The following PTPN14 variants were observed in gnomAD, a reference collection of about 807,000 sequenced individuals.
PTPN14 encodes tyrosine-protein phosphatase non-receptor type 14.
Under a neutral mutation model 126.8 loss-of-function variants are expected in PTPN14, and 53 were observed. The observed-to-expected ratio is 0.42, with a 90% CI of 0.34 to 0.53. PTPN14 has a LOEUF of 0.53. Ranked by LOEUF, PTPN14 falls within the 20% of genes least tolerant of loss-of-function variation. PTPN14 has a pLI of 0.08. For synonymous variants in PTPN14, 630 were observed against 599.3 expected (o/e 1.05, Z -0.75); for missense variants, 1,257 against 1,552.9 (o/e 0.81, Z 3.20).
intron 3 of PTPN14, among the ~76,000 whole-genome samples, chr1:214,428,505 T>C (rs965044266): frequency 7.2e-5 from 11 of 152,254 alleles, no homozygotes; most frequent in Non-Finnish European, 1.6e-4. Flanking sequence ...TTTGATATAG[T>C]AATGGATTCT....
At position 214,356,608 on chromosome 1, in the gene PTPN14, G is replaced by A. The variant is rs945130047; in HGVS notation, c.*1314C>T. 3 of 152,224 alleles carry A rather than the reference G, an allele frequency of 2.0e-5. No homozygotes were observed. Among genetic ancestry groups the A allele is most frequent in the African/African-American group, 7.2e-5 (3 of 41,448 alleles). The allele number at this position is 152,224 out of a possible 1,614,324, so 9.4% of individuals were successfully genotyped here. A position where few individuals can be genotyped will look rare whatever the true frequency, so the allele number is the denominator to read the frequency against. On this transcript the variant is annotated 3_prime_UTR_variant, in exon 19 of 19. Transcript: ENST00000366956. ...ACTGGGCTTCAAAGTGAAGATAACT[G>A]ACCAGCGAGTGGATTTTATGAAGAA...
intron 3 of PTPN14, among the ~76,000 whole-genome samples, chr1:214,443,104 T>C (rs894105411): frequency 7.9e-5 from 12 of 152,176 alleles, no homozygotes; most frequent in Non-Finnish European, 1.5e-5. Flanking sequence ...ATTACAGGCG[T>C]GAACCACCGC....
At chr1:214,435,944 G>A (rs745950132) in intron 3 of PTPN14, among the ~76,000 whole-genome samples, 32 of 152,144 alleles carry the variant, frequency 2.1e-4, no homozygotes, top group Non-Finnish European at 3.7e-4. Context: ...ACATGCACAT[G>A]TACGTTCACT....
At chr1:214,479,382 C>T (rs1660934383) in intron 1 of PTPN14, among the ~76,000 whole-genome samples, 1 of 151,380 alleles carries the variant, frequency 6.6e-6, no homozygotes, top group Non-Finnish European at 1.5e-5. Context: ...CTCTGTCGCC[C>T]AGGCTGGAGT....
Position 214,414,729 on chromosome 1 carries a change from G to T in PTPN14, c.345-3C>A, listed in dbSNP as rs1462265132. On this transcript the variant is annotated splice_polypyrimidine_tract_variant and splice_region_variant and intron_variant, in intron 3 of 18. Transcript: ENST00000366956. ...TGACTTGCAGGTAATACTGATATCT[G>T]TTCATGGGAATAGAGGAACAAACAA... is the stretch of plus-strand genomic sequence containing the variant. 1 of 1,604,822 alleles carries T rather than the reference G, an allele frequency of 6.2e-7. No homozygotes were observed. The highest frequency in any genetic ancestry group is 8.5e-7 in the Non-Finnish European group (1 of 1,171,698).
intron 11 of PTPN14, among the ~76,000 whole-genome samples, chr1:214,387,672 G>T (rs986600644): frequency 1.6e-5 from 2 of 121,496 alleles, no homozygotes; most frequent in African/African-American, 5.7e-5. Context: ...GCAAGACTCC[G>T]TCAAAAAAAA....
At position 214,391,022 on chromosome 1, in the gene PTPN14, A is replaced by C. The variant is rs1261819782; in HGVS notation, c.953T>G (p.Ile318Ser). Residue 318 changes from isoleucine to serine, a missense_variant, in exon 11 of 19, where the codon ATC becomes AGC. This residue lies in a region of PTPN14 where 1,021 missense variants were observed against 1,183.3 expected (regional missense o/e 0.86). Transcript: ENST00000366956. ...CTEQSNSPPP[I>S]RRQPTWSRSS... Reference sequence around the variant, plus strand: ...TCGGCTCCAGGTGGGCTGGCGTCTGATGGGGGGTGGAGAATTTGACTGTCT... The same window carrying C: ...TCGGCTCCAGGTGGGCTGGCGTCTGCTGGGGGGTGGAGAATTTGACTGTCT... The C allele has an allele frequency of 6.3e-7, 1 of 1,587,948 alleles. No homozygotes were observed. The highest frequency in any genetic ancestry group is 1.7e-5 in the Admixed American group (1 of 59,334).
chr1:214,437,915 T>A (rs1558102341), intron 3 of PTPN14, among the ~76,000 whole-genome samples: 1 of 152,214 alleles, frequency 6.6e-6, no homozygotes, highest in Non-Finnish European at 1.5e-5. Flanking sequence ...CCCATGGCAA[T>A]GATCAAAAAC....
Position 214,456,193 on chromosome 1 carries a change from C to A in PTPN14, c.175-4219G>T, listed in dbSNP as rs1660378289. On this transcript the variant is annotated intron_variant, in intron 2 of 18. Coordinates refer to ENST00000366956, the MANE Select transcript of PTPN14 (RefSeq NM_005401.5). ...ATTAAAGCCATGATCTTATCTCAAG[C>A]ATTTTGAAGAGTTACTCATCCAGAA... is the stretch of plus-strand genomic sequence containing the variant. Among the ~76,000 whole-genome samples, 4 of 152,282 alleles carry A rather than the reference C, an allele frequency of 2.6e-5. No individual in the cohort carries two copies. The South Asian group carries it at 8.3e-4, about 32-fold the overall frequency.
chr1:214,447,270 C>T (rs891190504), intron 3 of PTPN14, among the ~76,000 whole-genome samples: 2 of 152,142 alleles, frequency 1.3e-5, no homozygotes, highest in African/African-American at 4.8e-5. Context: ...TCAGTTCGGA[C>T]CTCAGATGCT....
At chr1:214,432,010 G>A (rs1388660919) in intron 3 of PTPN14, among the ~76,000 whole-genome samples, 1 of 152,078 alleles carries the variant, frequency 6.6e-6, no homozygotes, top group African/African-American at 2.4e-5. Context: ...GTGAGATCTT[G>A]TATCTACAAA....
Position 214,449,011 on chromosome 1 carries a change from C to CTTTTTTCTTTTTTT in PTPN14, c.344+2793_344+2794insAAAAAAAGAAAAAA, listed in dbSNP as rs1553267716. ...TGTGCCCTTGTAAGACTTAATTTTT[C>CTTTTTTCTTTTTTT]TTTTTTTTTTTTTGAGACGGAGTCT... On this transcript the variant is annotated intron_variant, in intron 3 of 18. Transcript: ENST00000366956. 2.7e-5 allele frequency among the ~76,000 whole-genome samples: 3 copies of CTTTTTTCTTTTTTT among 112,440 alleles called. 1 individual carries two copies. The highest frequency in any genetic ancestry group is 1.1e-4 in the African/African-American group (3 of 27,562). The allele number at this position is 112,440 out of a possible 152,430, so 73.8% of individuals were successfully genotyped here.
intron 1 of PTPN14, among the ~76,000 whole-genome samples, chr1:214,537,499 G>A (rs1314952831): frequency 4.6e-5 from 7 of 152,150 alleles, no homozygotes; most frequent in South Asian, 2.1e-4. Flanking sequence ...TTCTAAGCCC[G>A]AGTTGTCTCA....
rs71556608 is a variant in PTPN14 at position 214,479,016 on chromosome 1, TA to T, written c.-154-14060del. ...AATGTACAAAATAGTACATTTTGCT[TA>T]AAAAAAAAAAAGGATCAAGCATTCC... On this transcript the variant is annotated intron_variant, in intron 1 of 18. Transcript: ENST00000366956. Among the ~76,000 whole-genome samples, 1,063 of 143,154 alleles carry T rather than the reference TA, an allele frequency of 7.4e-3. 2 individuals are homozygous for T. Among genetic ancestry groups the T allele is most frequent in the East Asian group, 0.024 (119 of 4,978 alleles). The allele number at this position is 143,154 out of a possible 152,430, so 93.9% of individuals were successfully genotyped here.
intron 5 of PTPN14, among the ~76,000 whole-genome samples, chr1:214,405,160 C>T (rs1007271007): frequency 7.2e-5 from 11 of 152,210 alleles, no homozygotes; most frequent in Non-Finnish European, 4.4e-5. Context: ...GTGTGAAATG[C>T]CACATCATCC....
chr1:214,404,789 T>C (rs953152856), intron 5 of PTPN14, among the ~76,000 whole-genome samples: 16 of 152,230 alleles, frequency 1.1e-4, no homozygotes, highest in Admixed American at 2.0e-4. Flanking sequence ...TTCTTTTCTC[T>C]GCTGAAGAAA....
chr1:214,402,459 A>AAAAAAAAAAAAAAAAAAAAAAAAAAC (rs1659045824), intron 6 of PTPN14, among the ~76,000 whole-genome samples: 1 of 141,984 alleles, frequency 7.0e-6, no homozygotes, highest in African/African-American at 2.6e-5. Flanking sequence ...AAAAAAAAAA[A>AAAAAAAAAAAAAAAAAAAAAAAAAAC]GCCACGATGA....
chr1:214,423,015 A>G (rs1439192448), intron 3 of PTPN14, among the ~76,000 whole-genome samples: 1 of 152,210 alleles, frequency 6.6e-6, no homozygotes, highest in Non-Finnish European at 1.5e-5. Flanking sequence ...ATTTCCTGCC[A>G]AAAGCAGAGG....
intron 1 of PTPN14, among the ~76,000 whole-genome samples, chr1:214,486,236 C>T (rs922775505): frequency 6.6e-6 from 1 of 152,182 alleles, no homozygotes; most frequent in African/African-American, 2.4e-5. Flanking sequence ...CTAAACTGTA[C>T]ATATGTTATC....
Sources: gnomAD v4.1 joint callset for allele counts (sites outside exome capture counted in the v4.1 genomes callset) on GRCh38, gnomAD v4.1.1 for gene constraint, gnomAD v4.1.1 regional missense constraint, MANE v1.5 for transcripts, NCBI Gene and HGNC (gene_info 2026-07-23, HGNC 2026-07-21) for gene names.